CFAP20DC: variants seen among roughly 807,000 people sequenced by gnomAD.
CFAP20DC encodes protein CFAP20DC.
A neutral mutation model predicts 101.7 loss-of-function variants in CFAP20DC; 84 were observed. The ratio of observed to expected loss-of-function variants is 0.83; its 90% CI spans 0.69 to 0.99. The LOEUF (loss-of-function observed/expected upper bound fraction) is 0.99, where lower values mean the gene tolerates loss of function less well. CFAP20DC is among the 50% of genes least tolerant of loss of function. CFAP20DC has a pLI of 0.00. For missense variants in CFAP20DC, 1,007 were observed against 970.3 expected (o/e 1.04, Z -0.50); for synonymous variants, 359 against 351.2 (o/e 1.02, Z -0.25).
chr3:58,950,827 T>A (rs1280914182), intron 4 of CFAP20DC, among the ~76,000 whole-genome samples: 3 of 152,030 alleles, frequency 2.0e-5, no homozygotes, highest in East Asian at 1.9e-4. Context: ...AACCTAGGCA[T>A]TACCATTCAG....
At chr3:58,781,982 C>G (rs2071872565) in intron 15 of CFAP20DC, among the ~76,000 whole-genome samples, 3 of 151,912 alleles carry the variant, frequency 2.0e-5, no homozygotes, top group African/African-American at 7.2e-5. Context: ...GATAAGAAAA[C>G]TAGAGGCCAA....
intron 3 of CFAP20DC, among the ~76,000 whole-genome samples, chr3:59,045,943 G>A (rs1159908732): frequency 6.6e-6 from 1 of 152,018 alleles, no homozygotes; most frequent in Non-Finnish European, 1.5e-5. Context: ...CATAGTAAGT[G>A]CTCAATAAAT....
chr3:58,927,372 T>C (rs780843799), intron 5 of CFAP20DC, among the ~76,000 whole-genome samples: 1 of 152,096 alleles, frequency 6.6e-6, no homozygotes, highest in Non-Finnish European at 1.5e-5. Context: ...GGGTTGCCAA[T>C]GTACACCTAG....
At chr3:58,888,971 C>T (rs1239376237) in intron 6 of CFAP20DC, among the ~76,000 whole-genome samples, 3 of 151,652 alleles carry the variant, frequency 2.0e-5, no homozygotes, top group Admixed American at 6.6e-5. Flanking sequence ...TTCTCCACAA[C>T]CTCACCAGCA....
chr3:58,756,232 C>T (rs2107291872), intron 15 of CFAP20DC, among the ~76,000 whole-genome samples: 1 of 152,194 alleles, frequency 6.6e-6, no homozygotes, highest in East Asian at 1.9e-4. Context: ...CCCCCTCTGA[C>T]AGTGAGGAAA....
chr3:58,930,679 G>C (rs1004061146), intron 5 of CFAP20DC, among the ~76,000 whole-genome samples: 5 of 152,102 alleles, frequency 3.3e-5, no homozygotes, highest in East Asian at 1.9e-4. Flanking sequence ...ATATTGTTTT[G>C]TTTTCAGTAT....
intron 15 of CFAP20DC, among the ~76,000 whole-genome samples, chr3:58,779,114 C>T (rs561104343): frequency 6.6e-6 from 1 of 152,136 alleles, no homozygotes; most frequent in Admixed American, 6.5e-5. Context: ...AGCAACAGAT[C>T]CCAATCAAAA....
intron 4 of CFAP20DC, among the ~76,000 whole-genome samples, chr3:58,942,033 T>G (rs1320638832): frequency 6.6e-6 from 1 of 152,196 alleles, no homozygotes; most frequent in Admixed American, 6.5e-5. Context: ...AGGATGTTGT[T>G]TTCCATTCTA....
At chr3:58,720,624 G>A (rs1277000451) in intron 3 of CFAP20DC, among the ~76,000 whole-genome samples, 1 of 152,176 alleles carries the variant, frequency 6.6e-6, no homozygotes, top group Non-Finnish European at 1.5e-5. Flanking sequence ...GTGCTTTGAG[G>A]AATTTGGAAA....
In CFAP20DC at chr3:59,049,676, TCCAGCGAGTGGCGTGAC is replaced by T. The variant is rs1460218468; in HGVS notation, c.-62_-46del. The T allele has an allele frequency of 6.5e-7, 1 of 1,533,294 alleles. No individual in the cohort carries two copies. Among genetic ancestry groups the T allele is most frequent in the South Asian group, 1.2e-5 (1 of 83,784 alleles). 95.0% of individuals were successfully genotyped at this position (1,533,294 alleles called of 1,614,324 possible). On this transcript the variant is annotated 5_prime_UTR_variant, in exon 1 of 17. Transcript: ENST00000482387. Reference sequence around the variant, plus strand: ...CTTGGGGGGCACAGAGTTCAGGGTTTCCAGCGAGTGGCGTGACCCTGACGGCTGGAAATCGGCTGGCG... The same window carrying T: ...CTTGGGGGGCACAGAGTTCAGGGTTTCCTGACGGCTGGAAATCGGCTGGCG...
intron 15 of CFAP20DC, among the ~76,000 whole-genome samples, chr3:58,760,316 C>T (rs2069427366): frequency 6.6e-6 from 1 of 152,270 alleles, no homozygotes; most frequent in Non-Finnish European, 1.5e-5. Context: ...GGAGTTCACT[C>T]ATGATTTTGC....
chr3:58,891,024 G>A (rs1354260959), intron 6 of CFAP20DC, among the ~76,000 whole-genome samples: 11 of 148,418 alleles, frequency 7.4e-5, no homozygotes, highest in Non-Finnish European at 1.6e-4. Flanking sequence ...AGACGGGGTG[G>A]CGGCCGGGCA....
chr3:58,716,657 A>G (rs924379616), downstream of CFAP20DC, among the ~76,000 whole-genome samples: 3 of 152,060 alleles, frequency 2.0e-5, no homozygotes, highest in African/African-American at 4.8e-5. Flanking sequence ...CGATTCTCCT[A>G]TGGGGGTCTG....
intron 13 of CFAP20DC, among the ~76,000 whole-genome samples, chr3:58,846,741 A>G (rs1476687438): frequency 6.7e-6 from 1 of 148,964 alleles, no homozygotes; most frequent in African/African-American, 2.5e-5. Context: ...AGCTGGAGGC[A>G]TCACACTACC....
At chr3:58,849,936 C>G (rs1183408277) in intron 12 of CFAP20DC, among the ~76,000 whole-genome samples, 1 of 152,076 alleles carries the variant, frequency 6.6e-6, no homozygotes, top group African/African-American at 2.4e-5. Flanking sequence ...GATAATGGAA[C>G]ATGTTTTATA....
intron 15 of CFAP20DC, among the ~76,000 whole-genome samples, chr3:58,786,934 CAT>C (rs2072392978): frequency 6.6e-6 from 1 of 151,444 alleles, no homozygotes; most frequent in African/African-American, 2.4e-5. Context: ...CATAGGTATG[CAT>C]ATATAGAAAA....
intron 15 of CFAP20DC, among the ~76,000 whole-genome samples, chr3:58,780,350 T>C (rs1235506149): frequency 6.6e-6 from 1 of 151,854 alleles, no homozygotes; most frequent in African/African-American, 2.4e-5. Context: ...CAAGCCACAA[T>C]GGTAAATAGT....
intron 5 of CFAP20DC, among the ~76,000 whole-genome samples, chr3:58,926,834 T>C (rs1335227692): frequency 1.3e-5 from 2 of 152,250 alleles, no homozygotes; most frequent in Non-Finnish European, 1.5e-5. Context: ...GACTCTGGCA[T>C]TGTAATTTAT....
chr3:58,721,576 G>T lies in CFAP20DC; in HGVS notation c.198-3948C>A, dbSNP rs1408697719. Among the ~76,000 whole-genome samples the T allele has an allele frequency of 6.6e-6, 1 of 152,126 alleles. No individual in the cohort carries two copies. Among genetic ancestry groups the T allele is most frequent in the African/African-American group, 2.4e-5 (1 of 41,438 alleles). ...CAAGTCGTAGCACCCAAGACCCCAG[G>T]GTAGGAGAGCCCAGGGGAAAGTAAA... On this transcript the variant is annotated intron_variant, in intron 3 of 3. Transcript: ENST00000486145. The surrounding 1 kb of genome is among the most constrained non-coding windows in gnomAD (Gnocchi z 5.2).
Sources: allele counts gnomAD v4.1 joint callset (sites outside exome capture counted in the v4.1 genomes callset), GRCh38; gene constraint gnomAD v4.1.1; non-coding constraint Gnocchi (gnomAD v3.1); transcripts MANE v1.5; gene names NCBI Gene and HGNC (gene_info 2026-07-23, HGNC 2026-07-21).